ARHGEF7: variants seen among roughly 807,000 people sequenced by gnomAD.
ARHGEF7 encodes Rho guanine nucleotide exchange factor 7.
ARHGEF7 carries 33 observed loss-of-function variants against 109.8 expected under a neutral mutation model. That is an observed-to-expected ratio of 0.30 (90% CI 0.23 to 0.40). The LOEUF is 0.40. Among genes scored for constraint, ARHGEF7 ranks in the 10% least tolerant of loss-of-function variants. The probability of loss-of-function intolerance (pLI) is 1.00; values close to 1 mark genes in which losing one functional copy is unlikely to be tolerated. For synonymous variants in ARHGEF7, 458 were observed against 424.6 expected, an observed-to-expected ratio of 1.08 and a Z score of -0.97; for missense variants, 938 against 1,098.5, an observed-to-expected ratio of 0.85 and a Z score of 2.07.
chr13:111,175,425 T>A lies in ARHGEF7; in HGVS notation c.252+21434T>A, dbSNP rs557961686. ...GACTCAAAGCCTGGGAGCACCTCTC[T>A]GGGGGCCCTCTCAGTCAGGGTGTTG... On this transcript the variant is annotated intron_variant, in intron 2 of 21. Transcript: ENST00000646102. Among the ~76,000 whole-genome samples, 5 of 152,274 alleles carry A rather than the reference T, an allele frequency of 3.3e-5. No homozygotes were observed. The East Asian group carries it at 9.7e-4, about 29-fold the overall frequency.
In ARHGEF7 at chr13:111,131,607, C is replaced by G. The variant is rs1328461047; in HGVS notation, c.165+15916C>G. On this transcript the variant is annotated intron_variant, in intron 1 of 21. Coordinates refer to ENST00000646102, the MANE Select transcript of ARHGEF7 (RefSeq NM_001354046.2). The surrounding 1 kb of genome is among the most constrained non-coding windows in gnomAD (Gnocchi z 4.4). Reference sequence around the variant, plus strand: ...CTTGGGAAGGGTGGAGATGAATAACCAGGTGGTGCTGATGAGCCTGAAGAG... The same window carrying G: ...CTTGGGAAGGGTGGAGATGAATAACGAGGTGGTGCTGATGAGCCTGAAGAG... 6.6e-6 allele frequency among the ~76,000 whole-genome samples: 1 copy of G among 152,126 alleles called. No individual in the cohort carries two copies. The highest frequency in any genetic ancestry group is 2.4e-5 in the African/African-American group (1 of 41,418).
intron 18 of ARHGEF7, among the ~76,000 whole-genome samples, chr13:111,291,754 T>G (rs1252066918): frequency 5.3e-5 from 8 of 152,380 alleles, no homozygotes; most frequent in Non-Finnish European, 1.0e-4. Context: ...ATAGAATTGA[T>G]TAATTGCCAC....
At chr13:111,282,247 C>T (rs906965744) in intron 15 of ARHGEF7, among the ~76,000 whole-genome samples, 1 of 152,172 alleles carries the variant, frequency 6.6e-6, no homozygotes, top group Non-Finnish European at 1.5e-5. Flanking sequence ...AGAATGCCGG[C>T]CCCACTCCGT....
intron 4 of ARHGEF7, among the ~76,000 whole-genome samples, chr13:111,215,708 T>A (rs2083043771): frequency 1.3e-5 from 2 of 152,222 alleles, no homozygotes; most frequent in Admixed American, 1.3e-4. Context: ...TTTCTAAGGG[T>A]CTCTTTGACA....
At chr13:111,252,724 A>G (rs2089931784) in intron 8 of ARHGEF7, among the ~76,000 whole-genome samples, 1 of 152,128 alleles carries the variant, frequency 6.6e-6, no homozygotes, top group African/African-American at 2.4e-5. Flanking sequence ...TTTATCCTTT[A>G]AAGGACCCCA....
chr13:111,279,016 A>G (rs1442370169), intron 13 of ARHGEF7, among the ~76,000 whole-genome samples: 1 of 152,240 alleles, frequency 6.6e-6, no homozygotes, highest in South Asian at 2.1e-4. Context: ...TTCTACCATT[A>G]GAACACTGGC....
At chr13:111,261,948 A>G (rs1007431996) in intron 8 of ARHGEF7, among the ~76,000 whole-genome samples, 6 of 152,336 alleles carry the variant, frequency 3.9e-5, no homozygotes, top group African/African-American at 1.2e-4. Context: ...ACCAAAACCT[A>G]TGGGGTACAG....
At chr13:111,152,019 A>C (rs1455568596) in intron 1 of ARHGEF7, among the ~76,000 whole-genome samples, 3 of 152,152 alleles carry the variant, frequency 2.0e-5, no homozygotes, top group Non-Finnish European at 4.4e-5. Flanking sequence ...GTTACACATA[A>C]TTTTTAGCCA....
chr13:111,206,240 G>T (rs943591670), intron 3 of ARHGEF7, among the ~76,000 whole-genome samples: 2 of 151,384 alleles, frequency 1.3e-5, no homozygotes, highest in South Asian at 4.2e-4. Context: ...CAGAGGGGGG[G>T]GTGTACTTGC....
chr13:111,191,504 T>C (rs745629408), intron 2 of ARHGEF7, among the ~76,000 whole-genome samples: 5 of 152,178 alleles, frequency 3.3e-5, no homozygotes, highest in African/African-American at 7.2e-5. Flanking sequence ...ATTTAGAAGT[T>C]GGAAAGGGTC....
intron 21 of ARHGEF7, 136 bp downstream of exon 21, chr13:111,301,668 A>G: frequency 1.6e-6 from 1 of 620,308 alleles, no homozygotes; most frequent in South Asian, 2.2e-5. Context: ...CGAGGTGGAC[A>G]GATCACCTGA....
intron 1 of ARHGEF7, among the ~76,000 whole-genome samples, chr13:111,122,342 A>T (rs548076591): frequency 6.6e-6 from 1 of 152,246 alleles, no homozygotes; most frequent in Non-Finnish European, 1.5e-5. Context: ...TGGTGTCTGC[A>T]GAGAGAGGGC....
intron 1 of ARHGEF7, among the ~76,000 whole-genome samples, chr13:111,134,225 C>T (rs2074973265): frequency 6.6e-6 from 1 of 152,058 alleles, no homozygotes; most frequent in African/African-American, 2.4e-5. Context: ...CAAGTCTTTG[C>T]TATTGTGAGT....
chr13:111,224,894 C>T (rs1335935401), intron 5 of ARHGEF7, among the ~76,000 whole-genome samples: 1 of 152,162 alleles, frequency 6.6e-6, no homozygotes, highest in African/African-American at 2.4e-5. Flanking sequence ...CATGAGGCTG[C>T]ATTACAGGAT....
intron 9 of ARHGEF7, among the ~76,000 whole-genome samples, chr13:111,271,274 G>T (rs1357265712): frequency 6.6e-6 from 1 of 152,158 alleles, no homozygotes; most frequent in Non-Finnish European, 1.5e-5. Flanking sequence ...AAGGGGCGGG[G>T]GACAGTGGCT....
intron 2 of ARHGEF7, among the ~76,000 whole-genome samples, chr13:111,189,054 C>T (rs1484209879): frequency 6.6e-6 from 1 of 152,230 alleles, no homozygotes; most frequent in Admixed American, 6.5e-5. Context: ...TCTTCAGCAT[C>T]CAGGCTGATA....
Position 111,115,671 on chromosome 13 carries a change from C to T in ARHGEF7, c.145C>T (p.Leu49Phe), listed in dbSNP as rs764741553. ...VVLCRLLERLLPGTIEKVYPE... is the reference protein window; with the variant it reads ...VVLCRLLERLFPGTIEKVYPE... ...CCTCTGCAGGCTGCTGGAGCGCCTG[C>T]TCCCCGGGACCATCGAGAAAGTAAG... is the stretch of plus-strand genomic sequence containing the variant. Residue 49 changes from leucine to phenylalanine, a missense_variant, in exon 1 of 22, where the codon CTC (leucine) becomes TTC (phenylalanine). Physicochemically the swap from Leu to Phe is conservative, Grantham distance 22. This residue lies in a region of ARHGEF7 where 165 missense variants were observed against 125.8 expected (regional missense o/e 1.31). Coordinates refer to ENST00000646102, the MANE Select transcript of ARHGEF7 (RefSeq NM_001354046.2). 3.1e-6 allele frequency: 4 copies of T among 1,289,490 alleles called. No individual in the cohort carries two copies. The highest frequency in any genetic ancestry group is 1.6e-5 in the African/African-American group (1 of 63,612). The allele number at this position is 1,289,490 out of a possible 1,614,324, so 79.9% of individuals were successfully genotyped here.
intron 5 of ARHGEF7, among the ~76,000 whole-genome samples, chr13:111,221,905 G>A (rs915299959): frequency 1.3e-5 from 2 of 152,018 alleles, no homozygotes; most frequent in Non-Finnish European, 2.9e-5. Flanking sequence ...GAGCCAGTCC[G>A]AGTCTCAAAA....
At chr13:111,262,592 GA>G (rs2091222755) in intron 8 of ARHGEF7, among the ~76,000 whole-genome samples, 1 of 152,186 alleles carries the variant, frequency 6.6e-6, no homozygotes, top group Non-Finnish European at 1.5e-5. Context: ...GTTTCCATCT[GA>G]AATCACTTGT....
Sources: gnomAD v4.1 joint callset for allele counts (sites outside exome capture counted in the v4.1 genomes callset) on GRCh38, gnomAD v4.1.1 for gene constraint, gnomAD v4.1.1 regional missense constraint, Gnocchi (gnomAD v3.1) non-coding constraint, MANE v1.5 for transcripts, NCBI Gene and HGNC (gene_info 2026-07-23, HGNC 2026-07-21) for gene names.